The following GNPTAB variants were observed in gnomAD, a reference collection of about 807,000 sequenced individuals.
The protein encoded by GNPTAB is N-acetylglucosamine-1-phosphotransferase subunits alpha/beta.
A neutral mutation model predicts 136.6 loss-of-function variants in GNPTAB; 92 were observed. That is an observed-to-expected ratio of 0.67 (90% confidence interval 0.57 to 0.80). The LOEUF is 0.80. Among genes scored for constraint, GNPTAB ranks in the 30% least tolerant of loss-of-function variants. GNPTAB has a pLI of 0.00. For missense variants in GNPTAB, 1,343 were observed against 1,501.8 expected (o/e 0.89, Z 1.75); for synonymous variants, 512 against 535.1 (o/e 0.96, Z 0.60).
chr12:101,803,219 T>C (rs1047095749), intron 1 of GNPTAB, among the ~76,000 whole-genome samples: 1 of 152,206 alleles, frequency 6.6e-6, no homozygotes, highest in Non-Finnish European at 1.5e-5. Flanking sequence ...TGTACCATGT[T>C]CCTAGATTAC....
chr12:101,767,435 G>T (rs866092111), intron 11 of GNPTAB, among the ~76,000 whole-genome samples: 57 of 152,302 alleles, frequency 3.7e-4, no homozygotes, highest in Middle Eastern at 3.4e-3. Flanking sequence ...AAAGCTACCA[G>T]CAGTGAGCTC....
chr12:101,824,439 T>A (rs1300420009), intron 1 of GNPTAB, among the ~76,000 whole-genome samples: 65 of 71,078 alleles, frequency 9.1e-4, no homozygotes, highest in African/African-American at 3.0e-3. Flanking sequence ...TATATTTTCT[T>A]TTTTTTTTTT....
chr12:101,811,105 G>C (rs751714167), intron 1 of GNPTAB, among the ~76,000 whole-genome samples: 4 of 152,222 alleles, frequency 2.6e-5, no homozygotes, highest in Non-Finnish European at 5.9e-5. Context: ...CCGTGGAGCA[G>C]AGCCAACCAA....
At chr12:101,796,159 G>A (rs925396907) in intron 2 of GNPTAB, 4 of 696,766 alleles carry the variant, frequency 5.7e-6, no homozygotes, top group Admixed American at 4.0e-5. Flanking sequence ...CCATTTCACA[G>A]GACGCTGTCA....
At chr12:101,795,398 ATCCACATTT>A (rs1392460764) in intron 2 of GNPTAB, among the ~76,000 whole-genome samples, 1 of 152,226 alleles carries the variant, frequency 6.6e-6, no homozygotes, top group African/African-American at 2.4e-5. Flanking sequence ...GGTTATAATT[ATCCACATTT>A]GCCATATTTG....
intron 7 of GNPTAB, among the ~76,000 whole-genome samples, chr12:101,776,762 T>TAG (rs1215577512): frequency 6.6e-6 from 1 of 152,152 alleles, no homozygotes; most frequent in Non-Finnish European, 1.5e-5. Flanking sequence ...TGCCAAGTAA[T>TAG]CACTAAGGGT....
rs1429668294 is a variant in GNPTAB, at chr12:101,753,494, A to C, written c.3480T>G (p.Asp1160Glu). The change falls in exon 19 of 21, where the codon GAT becomes GAG. Residue 1160 changes from aspartate (D) to glutamate (E), a missense_variant. Physicochemically the swap from Asp to Glu is conservative, Grantham distance 45. Transcript: ENST00000299314. ...TGAGAACAGCCTTCACTGTCTGAGC[A>C]TCTTTATGATTGTGGTCAATGTTGT... ...LNDNIDHNHK[D>E]AQTVKAVLRD... 6.2e-7 allele frequency: 1 copy of C among 1,614,008 alleles called. No homozygotes were observed. The highest frequency in any genetic ancestry group is 1.7e-5 in the Admixed American group (1 of 60,024).
intron 6 of GNPTAB, 39 bp downstream of exon 6, chr12:101,780,518 G>T: frequency 7.3e-7 from 1 of 1,376,986 alleles, no homozygotes; most frequent in Non-Finnish European, 1.0e-6. Context: ...TTTTATTCTA[G>T]TCTATTGTAA....
At chr12:101,821,273 A>C (rs1313319100) in intron 1 of GNPTAB, among the ~76,000 whole-genome samples, 3 of 152,210 alleles carry the variant, frequency 2.0e-5, no homozygotes, top group African/African-American at 7.2e-5. Flanking sequence ...CTGGATCCCC[A>C]GGGGCCTGGT....
chr12:101,822,833 G>A (rs1410604446), intron 1 of GNPTAB, among the ~76,000 whole-genome samples: 1 of 152,204 alleles, frequency 6.6e-6, no homozygotes, highest in Non-Finnish European at 1.5e-5. Flanking sequence ...GCCAGTGGAA[G>A]ATAAAGAATA....
rs766107961 is a variant in GNPTAB, at chr12:101,757,642, T to A, written c.3265A>T (p.Ser1089Cys). ...YDPNLPPVTK[S>C]LVTNCKPVTD... is the part of the protein sequence containing the mutation. The stretch of plus-strand genomic sequence containing the variant: ...ACTGGTTTACAGTTTGTTACTAGAC[T>A]TTTAGTGACCGGTGGCTATGAGAAA... Residue 1089 changes from serine (S) to cysteine (C), a missense_variant, in exon 17 of 21, where the codon AGT (serine) becomes TGT (cysteine). Transcript: ENST00000299314. The A allele has an allele frequency of 1.5e-5, 23 of 1,565,920 alleles. No homozygotes were observed. Among genetic ancestry groups the A allele is most frequent in the Middle Eastern group, 3.3e-4 (2 of 5,982 alleles).
At chr12:101,810,432 TACACACACACAC>T (rs71438442) in intron 1 of GNPTAB, 1 of 107,502 alleles carries the variant, frequency 9.3e-6, no homozygotes, top group African/African-American at 3.8e-5. Context: ...TACACACACA[TACACACACACAC>T]ACACACACAC....
intron 18 of GNPTAB, among the ~76,000 whole-genome samples, chr12:101,754,136 T>C (rs142171235): frequency 3.3e-4 from 50 of 150,136 alleles, no homozygotes; most frequent in Middle Eastern, 3.5e-3. Context: ...TAAAACCAAG[T>C]TCTCTGAAGG....
intron 19 of GNPTAB, among the ~76,000 whole-genome samples, chr12:101,751,873 C>G (rs1594202547): frequency 6.6e-6 from 1 of 152,268 alleles, no homozygotes; most frequent in Non-Finnish European, 1.5e-5. Flanking sequence ...TACGCGGGCT[C>G]CCCCATTCAG....
At chr12:101,809,975 C>A (rs1231814148) in intron 1 of GNPTAB, among the ~76,000 whole-genome samples, 1 of 152,114 alleles carries the variant, frequency 6.6e-6, no homozygotes, top group African/African-American at 2.4e-5. Flanking sequence ...CACACTGACC[C>A]AAGGTGTTTT....
intron 1 of GNPTAB, among the ~76,000 whole-genome samples, chr12:101,811,627 G>A (rs1870239223): frequency 6.6e-6 from 1 of 151,288 alleles, no homozygotes; most frequent in South Asian, 2.1e-4. Flanking sequence ...AAAGGAGGAG[G>A]GTGCTACACA....
intron 14 of GNPTAB, 75 bp downstream of exon 14, chr12:101,761,489 C>T: frequency 6.8e-7 from 1 of 1,469,914 alleles, no homozygotes; most frequent in Non-Finnish European, 9.5e-7. Context: ...ATAAATTTAG[C>T]ATGGTAAATA....
intron 8 of GNPTAB, 106 bp downstream of exon 8, chr12:101,770,890 A>C: frequency 8.7e-7 from 1 of 1,153,242 alleles, no homozygotes; most frequent in South Asian, 1.2e-5. Flanking sequence ...ATTCCAATCA[A>C]CTCACCTCTC....
chr12:101,760,419 G>A (rs1350341172), intron 15 of GNPTAB, among the ~76,000 whole-genome samples: 2 of 152,150 alleles, frequency 1.3e-5, no homozygotes, highest in Non-Finnish European at 2.9e-5. Context: ...ATGCCCTGCA[G>A]CTAGATTCAT....
Sources: allele counts gnomAD v4.1 joint callset (sites outside exome capture counted in the v4.1 genomes callset), GRCh38; gene constraint gnomAD v4.1.1; transcripts MANE v1.5; gene names NCBI Gene and HGNC (gene_info 2026-07-23, HGNC 2026-07-21).